AGAP5: variants seen among roughly 807,000 people sequenced by gnomAD.
AGAP5 encodes ArfGAP with GTPase domain, ankyrin repeat and PH domain 5.
AGAP5 carries 8 observed loss-of-function variants against 27.7 expected under a neutral mutation model. The ratio of observed to expected loss-of-function variants is 0.29; its 90% CI spans 0.17 to 0.52. AGAP5 has a LOEUF of 0.52. Among genes scored for constraint, AGAP5 ranks in the 20% least tolerant of loss-of-function variants. AGAP5 has a pLI of 0.97. For missense variants in AGAP5, 285 were observed against 880.8 expected (o/e 0.32, Z 8.56); for synonymous variants, 111 against 338.0 (o/e 0.33, Z 7.37).
chr10:73,694,662 T>C, intron 3 of AGAP5, 74 bp downstream of exon 3: 1 of 1,591,754 alleles, frequency 6.3e-7, no homozygotes. Context: ...TGAGTTTTTC[T>C]AAATACTTTC....
At chr10:73,678,332 A>G (rs1269657856) in intron 6 of AGAP5, among the ~76,000 whole-genome samples, 1 of 151,844 alleles carries the variant, frequency 6.6e-6, no homozygotes, top group African/African-American at 2.4e-5. Flanking sequence ...GATCATGCCA[A>G]TGCACTCCAG....
At chr10:73,690,167 T>C (rs1486059933) in intron 4 of AGAP5, among the ~76,000 whole-genome samples, 1 of 152,278 alleles carries the variant, frequency 6.6e-6, no homozygotes, top group African/African-American at 2.4e-5. Context: ...GAATAGAAAG[T>C]GGGGAAAGGT....
At chr10:73,680,680 C>T (rs1320821106) in intron 5 of AGAP5, among the ~76,000 whole-genome samples, 4 of 144,538 alleles carry the variant, frequency 2.8e-5, no homozygotes, top group South Asian at 2.2e-4. Flanking sequence ...CTCTGCCTCC[C>T]GGGTTCAAGA....
At chr10:73,685,727 A>G (rs2082057989) in intron 4 of AGAP5, among the ~76,000 whole-genome samples, 1 of 151,866 alleles carries the variant, frequency 6.6e-6, no homozygotes, top group African/African-American at 2.4e-5. Context: ...TAACTTTTGT[A>G]TTTTTAGTAG....
intron 4 of AGAP5, among the ~76,000 whole-genome samples, chr10:73,683,429 A>G (rs1248493975): frequency 7.9e-6 from 1 of 126,120 alleles, no homozygotes; most frequent in African/African-American, 2.9e-5. Flanking sequence ...AAAGCAGCCA[A>G]GAATTTCTAT....
chr10:73,680,698 C>T (rs1446942115), intron 5 of AGAP5, among the ~76,000 whole-genome samples: 1 of 147,204 alleles, frequency 6.8e-6, no homozygotes, highest in Non-Finnish European at 1.5e-5. Context: ...AGAGATTCTC[C>T]TGCCTCAGCC....
chr10:73,677,122 A>G (rs997657100), intron 6 of AGAP5, among the ~76,000 whole-genome samples: 1 of 152,148 alleles, frequency 6.6e-6, no homozygotes, highest in Admixed American at 6.5e-5. Context: ...ATAAATGTAA[A>G]TGTGATTCAG....
Position 73,697,879 on chromosome 10 carries a change from C to T in AGAP5, c.-124G>A. 1 of 1,541,258 alleles carries T rather than the reference C, an allele frequency of 6.5e-7. No homozygotes were observed. The highest frequency in any genetic ancestry group is 8.7e-7 in the Non-Finnish European group (1 of 1,149,726). ...ATGGTCTTCCCGCTCCTCGCCTGCCCACCTCACAGCGCGGCCCCGGGCACC... is the reference window on the plus strand; with the variant it reads ...ATGGTCTTCCCGCTCCTCGCCTGCCTACCTCACAGCGCGGCCCCGGGCACC... On this transcript the variant is annotated 5_prime_UTR_variant, in exon 1 of 8. Coordinates refer to ENST00000374094, the MANE Select transcript of AGAP5 (RefSeq NM_001144000.4).
At chr10:73,697,410 G>T (rs2082169808) in intron 1 of AGAP5, 123 bp downstream of exon 1, 1 of 1,583,946 alleles carries the variant, frequency 6.3e-7, no homozygotes, top group South Asian at 1.1e-5. Context: ...TTCCTGGCCA[G>T]CCCCCGGGAA....
At position 73,675,501 on chromosome 10, in the gene AGAP5, G is replaced by T. The variant is rs1223092516; in HGVS notation, c.1159C>A (p.Pro387Thr). 67 of 1,613,314 alleles carry T rather than the reference G, an allele frequency of 4.2e-5. No homozygotes were observed. The South Asian group carries it at 7.0e-4, about 17-fold the overall frequency. The change falls in exon 8 of 8, where the codon CCC (proline) becomes ACC (threonine). Residue 387 changes from proline to threonine, a missense_variant. Pro to Thr is a conservative substitution (Grantham distance 38). Transcript: ENST00000374094. ...FSPSISSTTS[P>T]KLNPPPSPHA... ...GGAGAGGGGGGCGGGTTGAGCTTGG[G>T]GCTGGTGGTGCTGGAGATACTGGGG...
intron 4 of AGAP5, among the ~76,000 whole-genome samples, chr10:73,690,113 T>A (rs200577633): frequency 0.01 from 1,541 of 152,316 alleles, 35 homozygotes; most frequent in East Asian, 0.048. Context: ...GGTGTACCCA[T>A]CAGCTCATTG....
At chr10:73,677,356 C>G (rs1227440851) in intron 6 of AGAP5, among the ~76,000 whole-genome samples, 1 of 145,666 alleles carries the variant, frequency 6.9e-6, no homozygotes, top group Non-Finnish European at 1.5e-5. Context: ...TTCCAGAAGG[C>G]CTAAGAGGTC....
intron 6 of AGAP5, among the ~76,000 whole-genome samples, 181 bp from the exon 7 acceptor site, chr10:73,676,951 T>C (rs2081985136): frequency 6.6e-6 from 1 of 152,160 alleles, no homozygotes; most frequent in African/African-American, 2.4e-5. Context: ...CAGCACATCA[T>C]GGCCTGTACC....
At chr10:73,681,568 A>C (rs2132444940) in intron 5 of AGAP5, 1 of 958,556 alleles carries the variant, frequency 1.0e-6, no homozygotes, top group Non-Finnish European at 1.2e-6. Context: ...CCAAATGATT[A>C]TTTCTCAAAC....
intron 4 of AGAP5, among the ~76,000 whole-genome samples, chr10:73,691,342 A>G (rs1412694880): frequency 6.6e-6 from 1 of 152,234 alleles, no homozygotes; most frequent in Non-Finnish European, 1.5e-5. Flanking sequence ...TACAATTGGA[A>G]GAAACACAGG....
At chr10:73,692,007 A>G in intron 4 of AGAP5, 36 bp downstream of exon 4, 1 of 1,442,590 alleles carries the variant, frequency 6.9e-7, no homozygotes, top group South Asian at 1.2e-5. Context: ...TTTATGTCAA[A>G]CTATCAATTT....
chr10:73,674,656 G>A lies in AGAP5; in HGVS notation c.2004C>T (p.Ser668=). 1.2e-6 allele frequency: 2 copies of A among 1,611,934 alleles called. No individual in the cohort carries two copies. The highest frequency in any genetic ancestry group is 1.3e-5 in the African/African-American group (1 of 74,974). The change falls in exon 8 of 8, where the codon TCC becomes TCT. Residue 668 remains serine, a synonymous_variant. Coordinates refer to ENST00000374094, the MANE Select transcript of AGAP5 (RefSeq NM_001144000.4). ...NTALTYARQA[S]SQECINVLLQ... is the part of the protein sequence containing the mutation. ...GAAGCACGTTGATGCACTCCTGGCT[G>A]GAGGCCTGCCGGGCGTAGGTCAGCG...
At chr10:73,686,837 G>A (rs527672101) in intron 4 of AGAP5, among the ~76,000 whole-genome samples, 6 of 152,266 alleles carry the variant, frequency 3.9e-5, no homozygotes, top group Admixed American at 2.6e-4. Context: ...CAGCAACCTC[G>A]ATGGAAGTAA....
intron 3 of AGAP5, among the ~76,000 whole-genome samples, chr10:73,693,084 C>T (rs905276608): frequency 1.3e-5 from 2 of 152,150 alleles, no homozygotes; most frequent in African/African-American, 2.4e-5. Flanking sequence ...GTTTCCCACA[C>T]TGCCTCTGCC....
Sources: gnomAD v4.1 joint callset for allele counts (sites outside exome capture counted in the v4.1 genomes callset) on GRCh38, gnomAD v4.1.1 for gene constraint, MANE v1.5 for transcripts, NCBI Gene and HGNC (gene_info 2026-07-23, HGNC 2026-07-21) for gene names.